Variants in PCDHGB2 observed in about 807,000 individuals in gnomAD.
PCDHGB2 encodes the protein protocadherin gamma-B2.
Under a neutral mutation model 59.3 loss-of-function variants are expected in PCDHGB2, and 55 were observed. The ratio of observed to expected loss-of-function variants is 0.93; its 90% confidence interval spans 0.75 to 1.16. PCDHGB2 has a LOEUF of 1.16. Among genes scored for constraint, PCDHGB2 ranks in the 50% most tolerant of loss-of-function variants. The pLI is 0.00. For synonymous variants in PCDHGB2, 516 were observed against 512.0 expected (o/e 1.01, Z -0.11); for missense variants, 1,228 against 1,198.5 (o/e 1.02, Z -0.36).
At chr5:141,423,398 G>T in intron 1 of PCDHGB2, 7 of 1,614,172 alleles carry the variant, frequency 4.3e-6, no homozygotes, top group Non-Finnish European at 5.9e-6. Flanking sequence ...CATAAGTCAC[G>T]CCTGCTGCAG....
rs2097401329 is a variant in PCDHGB2 at position 141,431,623 on chromosome 5, G to A, written c.2422-63184G>A. 1 of 1,614,192 alleles carries A rather than the reference G, an allele frequency of 6.2e-7. No homozygotes were observed. The highest frequency in any genetic ancestry group is 1.7e-5 in the Admixed American group (1 of 60,028). On this transcript the variant is annotated intron_variant, in intron 1 of 3. Coordinates refer to ENST00000522605, the MANE Select transcript of PCDHGB2 (RefSeq NM_018923.3). This position sits in a 1 kb window ranked among gnomAD's most constrained non-coding sequence, Gnocchi z 4.8. ...CCTTCCGGTATGTGGACGACAAGGC[G>A]GCCCAAGTTTTCAAACTAGATTGTA...
At chr5:141,448,331 A>T (rs2098582637) in intron 1 of PCDHGB2, among the ~76,000 whole-genome samples, 1 of 152,146 alleles carries the variant, frequency 6.6e-6, no homozygotes, top group Non-Finnish European at 1.5e-5. Flanking sequence ...GAATCTTTAT[A>T]GCCATGTACC....
At chr5:141,378,325 C>G (rs1344220335) in intron 1 of PCDHGB2, 1 of 152,200 alleles carries the variant, frequency 6.6e-6, no homozygotes, top group Non-Finnish European at 1.5e-5. Context: ...GAGTTCGAGA[C>G]CAGCCTGACC....
intron 1 of PCDHGB2, chr5:141,370,468 T>C: frequency 6.2e-7 from 1 of 1,613,240 alleles, no homozygotes. Context: ...CTCTCTTTGT[T>C]AGACCAGGCT....
At chr5:141,405,410 T>C (rs1483035668) in intron 1 of PCDHGB2, 2 of 1,557,296 alleles carry the variant, frequency 1.3e-6, no homozygotes, top group Non-Finnish European at 1.8e-6. Context: ...TTCTTTTCTT[T>C]TTTTGTTTTT....
At chr5:141,441,340 C>T (rs2098240395) in intron 1 of PCDHGB2, 1 of 152,330 alleles carries the variant, frequency 6.6e-6, no homozygotes, top group Non-Finnish European at 1.5e-5. Flanking sequence ...CAATAATTAA[C>T]TACATGCTTG....
At chr5:141,375,119 G>A in intron 1 of PCDHGB2, 1 of 1,613,940 alleles carries the variant, frequency 6.2e-7, no homozygotes, top group Non-Finnish European at 8.5e-7. Flanking sequence ...TAATGTACCA[G>A]AAGTGGTTGT....
At position 141,418,056 on chromosome 5, in the gene PCDHGB2, T is replaced by G. The variant is rs199996434; in HGVS notation, c.2421+55500T>G. ...GTCCTGGATGTGTCGGCTCGCGAGC[T>G]GCGAGTGAGCGCGGAGAAGCTGCAC... is the stretch of plus-strand genomic sequence containing the variant. On this transcript the variant is annotated intron_variant, in intron 1 of 3. Coordinates refer to ENST00000522605, the MANE Select transcript of PCDHGB2 (RefSeq NM_018923.3). 5.0e-5 allele frequency: 80 copies of G among 1,613,976 alleles called. No individual in the cohort carries two copies. The African/African-American group carries it at 7.5e-4, about 15-fold the overall frequency.
chr5:141,487,748 T>A lies in PCDHGB2; in HGVS notation c.2422-7059T>A, dbSNP rs1458153935. ...TGTCACCATTTTTGTAAGAGGTAACTATGTGGTAGACGCTGTGCTTTGTAA... is the reference window on the plus strand; with the variant it reads ...TGTCACCATTTTTGTAAGAGGTAACAATGTGGTAGACGCTGTGCTTTGTAA... On this transcript the variant is annotated intron_variant, in intron 1 of 3. Transcript: ENST00000522605. This position sits in a 1 kb window ranked among gnomAD's most constrained non-coding sequence, Gnocchi z 5.0. 6.4e-7 allele frequency: 1 copy of A among 1,557,554 alleles called. No homozygotes were observed. The highest frequency in any genetic ancestry group is 1.2e-5 in the South Asian group (1 of 84,814).
In PCDHGB2 at chr5:141,361,071, A is replaced by G. The variant is rs1453413106; in HGVS notation, c.936A>G (p.Ala312=). The change falls in exon 1 of 4, where the codon GCA becomes GCG. Residue 312 remains alanine (A), a synonymous_variant. Coordinates refer to ENST00000522605, the MANE Select transcript of PCDHGB2 (RefSeq NM_018923.3). ...TTKDDLDFEI[A]SSYTLSIEAK... Reference sequence around the variant, plus strand: ...AGGATGATTTGGATTTTGAGATTGCAAGTAGTTACACTCTGAGTATCGAAG... The same window carrying G: ...AGGATGATTTGGATTTTGAGATTGCGAGTAGTTACACTCTGAGTATCGAAG... 1 of 1,613,984 alleles carries G rather than the reference A, an allele frequency of 6.2e-7. No individual in the cohort carries two copies. Among genetic ancestry groups the G allele is most frequent in the South Asian group, 1.1e-5 (1 of 91,082 alleles).
intron 1 of PCDHGB2, among the ~76,000 whole-genome samples, chr5:141,454,796 ATTTTTTTTTTTTTT>A (rs61612330): frequency 5.2e-5 from 4 of 77,408 alleles, no homozygotes; most frequent in Non-Finnish European, 9.3e-5. Flanking sequence ...CATGGTTCTA[ATTTTTTTTTTTTTT>A]TTTTTTTTTT....
chr5:141,490,257 T>C lies in PCDHGB2; in HGVS notation c.2422-4550T>C, dbSNP rs2099697852. On this transcript the variant is annotated intron_variant, in intron 1 of 3. Coordinates refer to ENST00000522605, the MANE Select transcript of PCDHGB2 (RefSeq NM_018923.3). The surrounding 1 kb of genome is among the most constrained non-coding windows in gnomAD (Gnocchi z 5.4). ...AGGGCCACTGTGTGATTCAAGTGGATGTGGGGGATGTCAATGACAATGCCC... is the reference window on the plus strand; with the variant it reads ...AGGGCCACTGTGTGATTCAAGTGGACGTGGGGGATGTCAATGACAATGCCC... The C allele has an allele frequency of 6.2e-7, 1 of 1,614,208 alleles. No individual in the cohort carries two copies. Among genetic ancestry groups the C allele is most frequent in the South Asian group, 1.1e-5 (1 of 91,078 alleles).
chr5:141,498,312 T>C (rs2099783060), intron 2 of PCDHGB2, among the ~76,000 whole-genome samples: 1 of 151,714 alleles, frequency 6.6e-6, no homozygotes, highest in Non-Finnish European at 1.5e-5. Context: ...TCACACTGCC[T>C]ACACAGAAGG....
intron 1 of PCDHGB2, chr5:141,393,420 G>A (rs2092755571): frequency 1.2e-6 from 2 of 1,614,050 alleles, no homozygotes; most frequent in Non-Finnish European, 1.7e-6. Context: ...CCTGGACAGG[G>A]AGGAAGAGGC....
At position 141,476,903 on chromosome 5, in the gene PCDHGB2, G is replaced by C; in HGVS notation, c.2422-17904G>C. On this transcript the variant is annotated intron_variant, in intron 1 of 3. Transcript: ENST00000522605. The surrounding 1 kb of genome is among the most constrained non-coding windows in gnomAD (Gnocchi z 7.6). Reference sequence around the variant, plus strand: ...GGAGGATGCACCCTCCGGCACGCGCGTGGTACAAGTCCTTGCAACGGATCT... The same window carrying C: ...GGAGGATGCACCCTCCGGCACGCGCCTGGTACAAGTCCTTGCAACGGATCT... The C allele has an allele frequency of 1.2e-6, 2 of 1,614,018 alleles. No individual in the cohort carries two copies. Among genetic ancestry groups the C allele is most frequent in the Non-Finnish European group, 1.7e-6 (2 of 1,180,044 alleles).
At chr5:141,500,618 C>A (rs554274946) in intron 2 of PCDHGB2, among the ~76,000 whole-genome samples, 27 of 152,260 alleles carry the variant, frequency 1.8e-4, no homozygotes, top group African/African-American at 6.5e-4. Context: ...CCCAGTCATA[C>A]GGTACATTTC....
chr5:141,465,501 C>T (rs1044567555), intron 1 of PCDHGB2, among the ~76,000 whole-genome samples: 1 of 152,164 alleles, frequency 6.6e-6, no homozygotes, highest in Non-Finnish European at 1.5e-5. Context: ...GGAGCATTGT[C>T]GTGGTCAGGA....
chr5:141,403,210 C>G (rs369033480), intron 1 of PCDHGB2: 1 of 1,613,946 alleles, frequency 6.2e-7, no homozygotes, highest in Admixed American at 1.7e-5. Flanking sequence ...CCTTGGTCAC[C>G]GCGGGTAGGA....
intron 1 of PCDHGB2, chr5:141,413,647 C>T (rs1371772412): frequency 1.2e-6 from 2 of 1,613,880 alleles, no homozygotes; most frequent in Non-Finnish European, 1.7e-6. Context: ...GCGTTTTCCT[C>T]TCCCGGAAGC....
Sources: gnomAD v4.1 joint callset for allele counts (sites outside exome capture counted in the v4.1 genomes callset) on GRCh38, gnomAD v4.1.1 for gene constraint, Gnocchi (gnomAD v3.1) non-coding constraint, MANE v1.5 for transcripts, NCBI Gene and HGNC (gene_info 2026-07-23, HGNC 2026-07-21) for gene names.